The following NDUFS4 variants were observed in gnomAD, a reference collection of about 807,000 sequenced individuals.
NDUFS4 encodes the protein NADH:ubiquinone oxidoreductase subunit S4.
A neutral mutation model predicts 24.3 loss-of-function variants in NDUFS4; 28 were observed. That is an observed-to-expected ratio of 1.15 (90% confidence interval 0.85 to 1.58). The LOEUF is 1.58. Among genes scored for constraint, NDUFS4 ranks in the 40% most tolerant of loss-of-function variants. The probability of loss-of-function intolerance (pLI) is 0.00; values close to 1 mark genes in which losing one functional copy is unlikely to be tolerated. For missense variants in NDUFS4, 223 were observed against 207.9 expected, an observed-to-expected ratio of 1.07 and a Z score of -0.45; for synonymous variants, 93 against 69.7, an observed-to-expected ratio of 1.34 and a Z score of -1.67.
At position 53,646,275 on chromosome 5, in the gene NDUFS4, AC is replaced by A; in HGVS notation, c.221del (p.Thr74IlefsTer18). ...LTGVPEEHIKTRKVRIFVPAR... is the reference protein window; with the variant it reads ...LTGVPEEHIKXRKVRIFVPAR... ...TGGAGTTCCAGAAGAGCATATAAAA[AC>A]TAGAAAAGTCAGGATCTTTGTTCCT... On this transcript the variant is annotated frameshift_variant, in exon 3 of 5. Transcript: ENST00000296684. LOFTEE classifies it high-confidence loss of function. 6.2e-7 allele frequency: 1 copy of A among 1,613,280 alleles called. No homozygotes were observed.
At chr5:53,663,822 G>T (rs199952067) in intron 4 of NDUFS4, among the ~76,000 whole-genome samples, 1 of 152,148 alleles carries the variant, frequency 6.6e-6, no homozygotes, top group African/African-American at 2.4e-5. Context: ...GGAGCATTTA[G>T]CCCATTTACC....
At chr5:53,591,813 C>T (rs1353652927) in intron 1 of NDUFS4, among the ~76,000 whole-genome samples, 2 of 152,148 alleles carry the variant, frequency 1.3e-5, no homozygotes, top group East Asian at 3.9e-4. Flanking sequence ...TTCCTAATGA[C>T]ATATGATATT....
chr5:53,640,833 T>C (rs1751687824), intron 2 of NDUFS4, among the ~76,000 whole-genome samples: 1 of 152,066 alleles, frequency 6.6e-6, no homozygotes, highest in South Asian at 2.1e-4. Flanking sequence ...TGGTTATGGA[T>C]CTCCAGTTTC....
intron 1 of NDUFS4, among the ~76,000 whole-genome samples, chr5:53,589,356 C>A (rs1042239296): frequency 2.4e-4 from 36 of 152,198 alleles, no homozygotes; most frequent in African/African-American, 8.4e-4. Flanking sequence ...ATTTCTTGTT[C>A]ATGTTGCATT....
chr5:53,580,991 G>T (rs1325055756), intron 1 of NDUFS4, among the ~76,000 whole-genome samples: 1 of 151,992 alleles, frequency 6.6e-6, no homozygotes, highest in Non-Finnish European at 1.5e-5. Context: ...GTGCCACCGT[G>T]CCCGGCTAAT....
intron 2 of NDUFS4, among the ~76,000 whole-genome samples, chr5:53,610,858 G>A (rs757861419): frequency 2.4e-4 from 37 of 152,218 alleles, no homozygotes; most frequent in Middle Eastern, 6.8e-3. Context: ...GGTGCAGGTT[G>A]TGGTGGGGAT....
intron 2 of NDUFS4, among the ~76,000 whole-genome samples, chr5:53,605,118 G>C (rs1233272315): frequency 1.3e-5 from 2 of 152,164 alleles, no homozygotes; most frequent in Non-Finnish European, 2.9e-5. Context: ...CTACTCAGGA[G>C]GCTGAGGCAG....
chr5:53,677,831 G>A (rs1006903367), intron 4 of NDUFS4, among the ~76,000 whole-genome samples: 2 of 152,168 alleles, frequency 1.3e-5, no homozygotes, highest in Non-Finnish European at 2.9e-5. Flanking sequence ...CAAATGGAGA[G>A]TAGGAAAAAT....
chr5:53,572,540 G>T (rs1008111861), intron 1 of NDUFS4, among the ~76,000 whole-genome samples: 1 of 151,924 alleles, frequency 6.6e-6, no homozygotes, highest in African/African-American at 2.4e-5. Flanking sequence ...TTTAAATTTT[G>T]ATGAAGTTAG....
intron 4 of NDUFS4, among the ~76,000 whole-genome samples, chr5:53,668,080 A>T (rs1752569442): frequency 6.6e-6 from 1 of 152,216 alleles, no homozygotes; most frequent in South Asian, 2.1e-4. Context: ...GTATCTAGAA[A>T]TAGGAAGTTA....
At chr5:53,605,203 A>T (rs1213571200) in intron 2 of NDUFS4, among the ~76,000 whole-genome samples, 1 of 152,218 alleles carries the variant, frequency 6.6e-6, no homozygotes, top group East Asian at 1.9e-4. Flanking sequence ...CCTGGGCAAC[A>T]AGAGTGAAAC....
chr5:53,656,465 G>C (rs542181702), intron 3 of NDUFS4, among the ~76,000 whole-genome samples: 1 of 152,224 alleles, frequency 6.6e-6, no homozygotes, highest in African/African-American at 2.4e-5. Flanking sequence ...GAATAGGTTG[G>C]TATTCAAAGT....
chr5:53,623,410 G>A (rs530944104), intron 2 of NDUFS4, among the ~76,000 whole-genome samples: 1 of 152,246 alleles, frequency 6.6e-6, no homozygotes. Context: ...TGCCGTTTAT[G>A]TATCTTTGGA....
At chr5:53,653,085 A>C (rs72753664) in intron 3 of NDUFS4, among the ~76,000 whole-genome samples, 14,088 of 152,224 alleles carry the variant, frequency 0.093, 779 homozygotes, top group Middle Eastern at 0.13. Flanking sequence ...ATTGAAACTC[A>C]GTGATCATTG....
intron 2 of NDUFS4, among the ~76,000 whole-genome samples, chr5:53,632,707 A>G (rs1751441689): frequency 6.6e-6 from 1 of 152,112 alleles, no homozygotes; most frequent in Non-Finnish European, 1.5e-5. Context: ...TCCTTCTTTC[A>G]GGGAACACAG....
chr5:53,580,733 T>A lies in NDUFS4; in HGVS notation c.98+19973T>A, dbSNP rs187489148. On this transcript the variant is annotated intron_variant, in intron 1 of 4. Coordinates refer to ENST00000296684, the MANE Select transcript of NDUFS4 (RefSeq NM_002495.4). Reference sequence around the variant, plus strand: ...CTTTCCTTTTCCTTTTCCTTTTCCCTTTCCTTTCCTTTCCTTCCTTTCTCT... The same window carrying A: ...CTTTCCTTTTCCTTTTCCTTTTCCCATTCCTTTCCTTTCCTTCCTTTCTCT... Among the ~76,000 whole-genome samples, 368 of 149,862 alleles carry A rather than the reference T, an allele frequency of 2.5e-3. 1 individual carries two copies. Among genetic ancestry groups the A allele is most frequent in the African/African-American group, 7.9e-3 (321 of 40,420 alleles).
At chr5:53,625,499 C>A (rs1253741021) in intron 2 of NDUFS4, among the ~76,000 whole-genome samples, 2 of 152,120 alleles carry the variant, frequency 1.3e-5, no homozygotes, top group Admixed American at 6.5e-5. Context: ...TATTGTACTG[C>A]TTAATATTTT....
intron 2 of NDUFS4, chr5:53,604,600 G>C (rs1003618776): frequency 3.5e-5 from 13 of 369,928 alleles, no homozygotes; most frequent in African/African-American, 1.9e-4. Flanking sequence ...AATAGTCTTT[G>C]AAATGCTGGT....
chr5:53,562,008 C>T (rs569930885), intron 1 of NDUFS4, among the ~76,000 whole-genome samples: 62 of 151,474 alleles, frequency 4.1e-4, no homozygotes, highest in African/African-American at 1.4e-3. Context: ...CTTTTTCTTT[C>T]TCTTTTTTTT....
Sources: gnomAD v4.1 joint callset for allele counts (sites outside exome capture counted in the v4.1 genomes callset) on GRCh38, gnomAD v4.1.1 for gene constraint, MANE v1.5 for transcripts, NCBI Gene and HGNC (gene_info 2026-07-23, HGNC 2026-07-21) for gene names.